Variants in TIMMDC1 observed in about 807,000 individuals in gnomAD.
The protein encoded by TIMMDC1 is translocase of inner mitochondrial membrane domain containing 1.
Under a neutral mutation model 32.6 loss-of-function variants are expected in TIMMDC1, and 25 were observed. The ratio of observed to expected loss-of-function variants is 0.77; its 90% CI spans 0.56 to 1.07. TIMMDC1 has a LOEUF of 1.07. Ranked by LOEUF, TIMMDC1 falls within the 50% of genes least tolerant of loss-of-function variation. The pLI, the probability that TIMMDC1 is intolerant of heterozygous loss-of-function variation, is 0.00. For missense variants in TIMMDC1, 329 were observed against 349.2 expected (o/e 0.94, Z 0.46); for synonymous variants, 130 against 127.6 (o/e 1.02, Z -0.13).
In TIMMDC1 at chr3:119,525,061, A is replaced by G. The variant is rs1317849080; in HGVS notation, c.*1305A>G. 6.6e-6 allele frequency: 1 copy of G among 152,188 alleles called. No homozygotes were observed. Among genetic ancestry groups the G allele is most frequent in the Non-Finnish European group, 1.5e-5 (1 of 68,026 alleles). 9.4% of individuals were successfully genotyped at this position (152,188 alleles called of 1,614,324 possible). ...TGGACTATCCCTTTCCTCCTTGACTACTGCTTTGACGTACCTAAATCATTC... is the reference window on the plus strand; with the variant it reads ...TGGACTATCCCTTTCCTCCTTGACTGCTGCTTTGACGTACCTAAATCATTC... On this transcript the variant is annotated 3_prime_UTR_variant, in exon 7 of 7. Coordinates refer to ENST00000494664, the MANE Select transcript of TIMMDC1 (RefSeq NM_016589.4).
At position 119,513,532 on chromosome 3, in the gene TIMMDC1, T is replaced by A. The variant is rs578007027; in HGVS notation, c.518-109T>A. On this transcript the variant is annotated intron_variant, in intron 4 of 6. Coordinates refer to ENST00000494664, the MANE Select transcript of TIMMDC1 (RefSeq NM_016589.4). ...TATAGGCTGTAGTAGTATATTAACA[T>A]TGGATTCAGAAAGCTCACTTAGGGA... The A allele has an allele frequency of 1.0e-5, 8 of 793,880 alleles. No individual in the cohort carries two copies. In the Admixed American group the frequency reaches 1.5e-4, roughly 15 times the overall value. The allele number at this position is 793,880 out of a possible 1,614,324, so 49.2% of individuals were successfully genotyped here. A position where few individuals can be genotyped will look rare whatever the true frequency, so the allele number is the denominator to read the frequency against.
At chr3:119,516,926 A>G (rs1278204527) in intron 5 of TIMMDC1, among the ~76,000 whole-genome samples, 4 of 152,144 alleles carry the variant, frequency 2.6e-5, no homozygotes, top group African/African-American at 9.7e-5. Context: ...TTTATTTCTC[A>G]TTCCTCATAA....
intron 1 of TIMMDC1, among the ~76,000 whole-genome samples, chr3:119,500,198 GTGTGAT>G (rs1462653402): frequency 6.6e-6 from 1 of 152,184 alleles, no homozygotes; most frequent in Non-Finnish European, 1.5e-5. Flanking sequence ...TCACGAGTTG[GTGTGAT>G]TTCTAAAAGT....
At chr3:119,515,624 C>CTACCA (rs1254859274) in intron 5 of TIMMDC1, among the ~76,000 whole-genome samples, 2 of 152,192 alleles carry the variant, frequency 1.3e-5, no homozygotes, top group Non-Finnish European at 2.9e-5. Context: ...AGAATTCTGC[C>CTACCA]TACCACACTT....
intron 6 of TIMMDC1, among the ~76,000 whole-genome samples, chr3:119,521,233 C>T (rs1317296023): frequency 1.3e-5 from 2 of 152,072 alleles, no homozygotes; most frequent in East Asian, 3.9e-4. Flanking sequence ...AAATCCTAGC[C>T]AGAGCAGTTA....
Position 119,523,598 on chromosome 3 carries a change from G to A in TIMMDC1, c.708-8G>A. 6 of 1,589,050 alleles carry A rather than the reference G, an allele frequency of 3.8e-6. No individual in the cohort carries two copies. Among genetic ancestry groups the A allele is most frequent in the Non-Finnish European group, 5.1e-6 (6 of 1,170,648 alleles). On this transcript the variant is annotated splice_region_variant and splice_polypyrimidine_tract_variant and intron_variant, in intron 6 of 6. Coordinates refer to ENST00000494664, the MANE Select transcript of TIMMDC1 (RefSeq NM_016589.4). ...AGTATTTGATTTATCCTTTTTATCT[G>A]ATTACAGGAAAGGCAGACTACAAGT...
chr3:119,505,035 G>A (rs1433563468), intron 4 of TIMMDC1, among the ~76,000 whole-genome samples: 2 of 148,432 alleles, frequency 1.3e-5, no homozygotes, highest in African/African-American at 2.5e-5. Context: ...CTGAGTTCAC[G>A]CCATTGCACT....
intron 4 of TIMMDC1, among the ~76,000 whole-genome samples, chr3:119,505,533 T>C (rs2081913105): frequency 6.6e-6 from 1 of 152,072 alleles, no homozygotes; most frequent in African/African-American, 2.4e-5. Context: ...TCCCAGCTAA[T>C]TTTTTGTATT....
intron 1 of TIMMDC1, 29 bp from the exon 2 acceptor site, chr3:119,500,666 C>T (rs756748211): frequency 4.4e-6 from 7 of 1,597,836 alleles, no homozygotes; most frequent in Non-Finnish European, 5.1e-6. Flanking sequence ...AAACTAATCC[C>T]AAACAACATT....
chr3:119,516,185 A>G (rs1255916136), intron 5 of TIMMDC1, among the ~76,000 whole-genome samples: 1 of 152,198 alleles, frequency 6.6e-6, no homozygotes, highest in African/African-American at 2.4e-5. Flanking sequence ...CACATTGTGC[A>G]TGAGATCTCT....
intron 6 of TIMMDC1, among the ~76,000 whole-genome samples, chr3:119,523,267 G>C (rs540955613): frequency 9.5e-4 from 145 of 152,250 alleles, no homozygotes; most frequent in African/African-American, 3.4e-3. Context: ...GGAGCAAGAG[G>C]ACAGCGAGAC....
intron 6 of TIMMDC1, among the ~76,000 whole-genome samples, chr3:119,519,152 A>G (rs2082006711): frequency 6.6e-6 from 1 of 151,968 alleles, no homozygotes; most frequent in Non-Finnish European, 1.5e-5. Context: ...AATTACAAAA[A>G]TCTACCAACC....
intron 4 of TIMMDC1, among the ~76,000 whole-genome samples, chr3:119,504,967 A>G (rs1022448296): frequency 1.3e-5 from 2 of 151,940 alleles, no homozygotes; most frequent in Admixed American, 6.6e-5. Context: ...AATCCCAGCT[A>G]CTTGGGAGGC....
chr3:119,498,742 G>T lies in TIMMDC1; in HGVS notation c.9G>T (p.Val3=). The T allele has an allele frequency of 6.2e-7, 1 of 1,614,180 alleles. No individual in the cohort carries two copies. Among genetic ancestry groups the T allele is most frequent in the South Asian group, 1.1e-5 (1 of 91,084 alleles). Residue 3 remains valine (V), a synonymous_variant, in exon 1 of 7, where the codon GTG becomes GTT. Transcript: ENST00000494664. ME[V]PPPAPRSFLC... is the part of the protein sequence containing the mutation. Reference sequence around the variant, plus strand: ...TAGGTCGAGAGAAGGCCATGGAGGTGCCGCCACCGGCACCGCGGAGCTTTC... The same window carrying T: ...TAGGTCGAGAGAAGGCCATGGAGGTTCCGCCACCGGCACCGCGGAGCTTTC...
intron 6 of TIMMDC1, among the ~76,000 whole-genome samples, chr3:119,523,184 C>T (rs2082040690): frequency 6.6e-6 from 1 of 152,144 alleles, no homozygotes; most frequent in African/African-American, 2.4e-5. Flanking sequence ...ATTGTTATAG[C>T]CTTTGACCAG....
chr3:119,517,849 TC>T (rs1276558727), intron 6 of TIMMDC1, among the ~76,000 whole-genome samples: 1 of 152,036 alleles, frequency 6.6e-6, no homozygotes, highest in Non-Finnish European at 1.5e-5. Flanking sequence ...GTGCCTGTAG[TC>T]CCAGCTACTC....
chr3:119,520,258 A>G (rs79411496), intron 6 of TIMMDC1, among the ~76,000 whole-genome samples: 24 of 152,256 alleles, frequency 1.6e-4, no homozygotes, highest in East Asian at 1.5e-3. Context: ...AAAAGATCAG[A>G]GCAGAGCTAA....
At chr3:119,511,552 G>A (rs370980407) in intron 4 of TIMMDC1, among the ~76,000 whole-genome samples, 13 of 152,190 alleles carry the variant, frequency 8.5e-5, no homozygotes, top group African/African-American at 2.9e-4. Context: ...TTTATCAACT[G>A]TATGTATTTT....
At position 119,515,919 on chromosome 3, in the gene TIMMDC1, C is replaced by G. The variant is rs58024930; in HGVS notation, c.597-1286C>G. On this transcript the variant is annotated intron_variant, in intron 5 of 6. Coordinates refer to ENST00000494664, the MANE Select transcript of TIMMDC1 (RefSeq NM_016589.4). ...GTCCTCCACCTGTTCACCCCTTTGT[C>G]TACCTCCTTTGAAGGAGAAGGTAAT... 2.2e-3 allele frequency among the ~76,000 whole-genome samples: 333 copies of G among 152,294 alleles called. 6 individuals carry two copies. In the East Asian group the frequency reaches 0.044, roughly 20 times the overall value.
Sources: gnomAD v4.1 joint callset for allele counts (sites outside exome capture counted in the v4.1 genomes callset) on GRCh38, gnomAD v4.1.1 for gene constraint, MANE v1.5 for transcripts, NCBI Gene and HGNC (gene_info 2026-07-23, HGNC 2026-07-21) for gene names.